The following METTL9 variants were observed in gnomAD, a reference collection of about 807,000 sequenced individuals.
METTL9 encodes methyltransferase 9, His-X-His N1(pi)-histidine, also known as protein-L-histidine N-pros-methyltransferase.
A neutral mutation model predicts 36.0 loss-of-function variants in METTL9; 10 were observed. The ratio of observed to expected loss-of-function variants is 0.28; its 90% CI spans 0.17 to 0.47. METTL9 has a LOEUF of 0.47. METTL9 is among the 20% of genes least tolerant of loss of function. The probability of loss-of-function intolerance (pLI) is 0.99; values close to 1 mark genes in which losing one functional copy is unlikely to be tolerated. For missense variants in METTL9, 246 were observed against 383.5 expected, an observed-to-expected ratio of 0.64 and a Z score of 3.00; for synonymous variants, 175 against 149.7, an observed-to-expected ratio of 1.17 and a Z score of -1.23.
chr16:21,618,456 C>T (rs1257419144), intron 3 of METTL9, among the ~76,000 whole-genome samples: 1 of 152,136 alleles, frequency 6.6e-6, no homozygotes, highest in East Asian at 1.9e-4. Flanking sequence ...GTTGCATAAT[C>T]ATCACCACTA....
At chr16:21,643,470 A>G in intron 4 of METTL9, 1 of 918,696 alleles carries the variant, frequency 1.1e-6, no homozygotes, top group South Asian at 1.5e-5. Context: ...AATATTTAAA[A>G]GCTAAAAAAT....
intron 4 of METTL9, chr16:21,652,446 T>C: frequency 9.6e-7 from 1 of 1,040,848 alleles, no homozygotes. Context: ...AAAATTAATC[T>C]GAAGGAGCTT....
At chr16:21,599,409 C>T (rs1965032639), upstream of METTL9, 1 of 1,097,524 alleles carries the variant, frequency 9.1e-7, no homozygotes, top group East Asian at 6.4e-5. This position sits in a 1 kb window ranked among gnomAD's most constrained non-coding sequence, Gnocchi z 4.4. Context: ...ATGCGCGCTC[C>T]CTTTGTCCCG....
chr16:21,643,736 T>C (rs538790018), intron 4 of METTL9: 2 of 601,092 alleles, frequency 3.3e-6, no homozygotes, highest in East Asian at 2.9e-5. Context: ...TACATCATTT[T>C]TGAGATGCTT....
At position 21,625,058 on chromosome 16, in the gene METTL9, A is replaced by G. The variant is rs1283304706; in HGVS notation, c.694A>G (p.Thr232Ala). The G allele has an allele frequency of 1.9e-6, 3 of 1,614,082 alleles. No homozygotes were observed. The highest frequency in any genetic ancestry group is 2.5e-6 in the Non-Finnish European group (3 of 1,180,044). ...LKDIRSVLEPTRGRVILALVL... is the reference protein window; with the variant it reads ...LKDIRSVLEPARGRVILALVL... ...AGATATCAGAAGTGTCTTGGAGCCA[A>G]CTAGAGGCAGGGTCATCCTTGCCCT... Residue 232 changes from threonine (T) to alanine (A), a missense_variant, in exon 4 of 5, where the codon ACT becomes GCT. By Grantham distance (58) the Thr-to-Ala change is moderately conservative. This residue lies in a region of METTL9 where 146 missense variants were observed against 302.1 expected (regional missense o/e 0.48). Coordinates refer to ENST00000358154, the MANE Select transcript of METTL9 (RefSeq NM_016025.5).
At chr16:21,644,406 A>G (rs1966366711) in intron 4 of METTL9, 2 of 1,579,454 alleles carry the variant, frequency 1.3e-6, no homozygotes, top group African/African-American at 1.3e-5. Flanking sequence ...TCTTAATGAC[A>G]AAAACAGAAA....
rs1419209070 is a variant in METTL9, at chr16:21,599,814, G to A, written c.81G>A (p.Pro27=). ...LARRMWTLRS[P]LTRSLYVNMT... ...GGAGGATGTGGACGCTGCGGAGCCC[G>A]CTCACCCGCTCCCTGTACGTGAACA... Residue 27 remains proline, a synonymous_variant, in exon 1 of 5, where the codon CCG becomes CCA. Transcript: ENST00000358154. The surrounding 1 kb of genome is among the most constrained non-coding windows in gnomAD (Gnocchi z 4.4). 4 of 1,545,544 alleles carry A rather than the reference G, an allele frequency of 2.6e-6. No individual in the cohort carries two copies. Among genetic ancestry groups the A allele is most frequent in the Non-Finnish European group, 2.6e-6 (3 of 1,152,848 alleles).
At chr16:21,652,599 T>C in intron 4 of METTL9, 2 of 1,608,782 alleles carry the variant, frequency 1.2e-6, no homozygotes, top group Non-Finnish European at 1.7e-6. Flanking sequence ...CAGTCCCCAT[T>C]TCTGTGTATG....
chr16:21,614,927 T>C (rs1456899113), intron 2 of METTL9, among the ~76,000 whole-genome samples: 5 of 152,268 alleles, frequency 3.3e-5, no homozygotes, highest in South Asian at 4.1e-4. Flanking sequence ...AAACTTTGTA[T>C]TGGGCTCAGT....
intron 4 of METTL9, among the ~76,000 whole-genome samples, chr16:21,630,564 C>T (rs1965932585): frequency 6.6e-6 from 1 of 152,210 alleles, no homozygotes; most frequent in Admixed American, 6.5e-5. Context: ...CTGATGACCA[C>T]TCTAGCTACT....
At chr16:21,600,547 A>G (rs1325005845) in intron 1 of METTL9, among the ~76,000 whole-genome samples, 1 of 152,176 alleles carries the variant, frequency 6.6e-6, no homozygotes. Flanking sequence ...TCAGCCTGCT[A>G]GAAAGATTGT....
At chr16:21,631,269 A>G (rs1444219122) in intron 4 of METTL9, among the ~76,000 whole-genome samples, 1 of 152,178 alleles carries the variant, frequency 6.6e-6, no homozygotes, top group Non-Finnish European at 1.5e-5. Flanking sequence ...GAGTATTGAT[A>G]GGGTCTGATT....
At chr16:21,617,743 C>A in intron 2 of METTL9, 122 bp from the exon 3 acceptor site, 4 of 843,674 alleles carry the variant, frequency 4.7e-6, no homozygotes, top group Non-Finnish European at 7.5e-6. Flanking sequence ...AAAAAAAAAT[C>A]TTAACCATGT....
intron 4 of METTL9, among the ~76,000 whole-genome samples, chr16:21,643,983 C>G (rs771546441): frequency 2.6e-5 from 4 of 152,158 alleles, no homozygotes; most frequent in Admixed American, 6.5e-5. Context: ...CGCCCTCCAC[C>G]TGCCCACACC....
At chr16:21,630,726 A>G (rs1965937587) in intron 4 of METTL9, among the ~76,000 whole-genome samples, 1 of 152,166 alleles carries the variant, frequency 6.6e-6, no homozygotes, top group Admixed American at 6.5e-5. Flanking sequence ...TTGTAAGACC[A>G]TCTATAGCTT....
intron 4 of METTL9, chr16:21,627,252 T>G: frequency 1.0e-6 from 1 of 984,752 alleles, no homozygotes; most frequent in Non-Finnish European, 1.2e-6. Flanking sequence ...AATGCTGGAC[T>G]GTTGGAGGAT....
chr16:21,635,070 C>T (rs1035363397), intron 4 of METTL9, among the ~76,000 whole-genome samples: 3 of 152,062 alleles, frequency 2.0e-5, no homozygotes, highest in Non-Finnish European at 4.4e-5. Flanking sequence ...CAGCTAAAGC[C>T]GTATTCTTTT....
chr16:21,642,791 T>C (rs1966307711), intron 4 of METTL9, among the ~76,000 whole-genome samples: 1 of 152,244 alleles, frequency 6.6e-6, no homozygotes, highest in African/African-American at 2.4e-5. Flanking sequence ...ATCTATCCTT[T>C]TAAAGCATCA....
chr16:21,610,840 G>T (rs1346040874), intron 1 of METTL9, among the ~76,000 whole-genome samples: 2 of 152,140 alleles, frequency 1.3e-5, no homozygotes, highest in African/African-American at 4.8e-5. Flanking sequence ...TATTATCAAG[G>T]TGATGGCTTT....
Sources: allele counts gnomAD v4.1 joint callset (sites outside exome capture counted in the v4.1 genomes callset), GRCh38; gene constraint gnomAD v4.1.1; regional missense constraint gnomAD v4.1.1; non-coding constraint Gnocchi (gnomAD v3.1); transcripts MANE v1.5; gene names NCBI Gene and HGNC (gene_info 2026-07-23, HGNC 2026-07-21).